Variants in TMC5 observed in about 807,000 individuals in gnomAD.
TMC5 encodes transmembrane channel-like protein 5.
A neutral mutation model predicts 110.5 loss-of-function variants in TMC5; 86 were observed. That is an observed-to-expected ratio of 0.78 (90% CI 0.65 to 0.93). The LOEUF (loss-of-function observed/expected upper bound fraction) is 0.93. TMC5 is among the 40% of genes least tolerant of loss of function. The pLI, the probability that TMC5 is intolerant of heterozygous loss-of-function variation, is 0.00. For missense variants in TMC5, 1,144 were observed against 1,222.8 expected (o/e 0.94, Z 0.96); for synonymous variants, 455 against 439.5 (o/e 1.04, Z -0.44).
At chr16:19,449,501 G>T (rs1296447188) in intron 4 of TMC5, 41 bp from the exon 5 acceptor site, 6 of 1,519,434 alleles carry the variant, frequency 3.9e-6, no homozygotes, top group South Asian at 1.1e-5. Flanking sequence ...TGTCTAGTGT[G>T]GTGAGACTAA....
chr16:19,424,397 TC>T (rs758042646), intron 1 of TMC5, among the ~76,000 whole-genome samples: 1 of 152,190 alleles, frequency 6.6e-6, no homozygotes, highest in Non-Finnish European at 1.5e-5. Flanking sequence ...ATGCCTGTAA[TC>T]CCAGCCCTTT....
intron 4 of TMC5, 86 bp downstream of exon 4, chr16:19,444,336 A>C: frequency 8.3e-7 from 1 of 1,210,506 alleles, no homozygotes; most frequent in East Asian, 2.4e-5. Flanking sequence ...GAGACTTGGC[A>C]ATAGGAGAAT....
At chr16:19,474,376 CAG>C in intron 12 of TMC5, 100 bp downstream of exon 12, 4 of 1,366,072 alleles carry the variant, frequency 2.9e-6, no homozygotes, top group Non-Finnish European at 4.0e-6. Context: ...GTTTTTTCTC[CAG>C]AGAGGAAGAA....
chr16:19,438,791 C>T (rs1967415063), intron 2 of TMC5, among the ~76,000 whole-genome samples: 1 of 152,084 alleles, frequency 6.6e-6, no homozygotes, highest in South Asian at 2.1e-4. Context: ...ACTGCATCAC[C>T]TCTTATTTCA....
intron 12 of TMC5, 97 bp downstream of exon 12, chr16:19,474,373 C>A: frequency 7.2e-7 from 1 of 1,383,212 alleles, no homozygotes; most frequent in Admixed American, 2.1e-5. Flanking sequence ...AAAGTTTTTT[C>A]TCCAGAGAGG....
chr16:19,440,570 A>G lies in TMC5; in HGVS notation c.532A>G (p.Asn178Asp). 1 of 1,614,182 alleles carries G rather than the reference A, an allele frequency of 6.2e-7. No individual in the cohort carries two copies. Among genetic ancestry groups the G allele is most frequent in the Non-Finnish European group, 8.5e-7 (1 of 1,180,022 alleles). The stretch of plus-strand genomic sequence containing the variant: ...CTCTGATCATCCTGGACCCAGAGCC[A>G]ATTTGAACCATCCAGGATCCAGAAA... ...SNSDHPGPRA[N>D]LNHPGSRKNL... Residue 178 changes from asparagine (N) to aspartate (D), a missense_variant, in exon 3 of 22, where the codon AAT becomes GAT. Transcript: ENST00000542583.
At chr16:19,456,820 C>T in intron 5 of TMC5, 3 of 1,614,174 alleles carry the variant, frequency 1.9e-6, no homozygotes, top group East Asian at 2.2e-5. Flanking sequence ...TGCTGCTAGA[C>T]TCAAGCATCA....
chr16:19,440,249 GA>G lies in TMC5; in HGVS notation c.213del (p.Glu71AspfsTer8). The G allele has an allele frequency of 6.2e-7, 1 of 1,614,136 alleles. No homozygotes were observed. The highest frequency in any genetic ancestry group is 8.5e-7 in the Non-Finnish European group (1 of 1,180,022). On this transcript the variant is annotated frameshift_variant, in exon 3 of 22. Coordinates refer to ENST00000542583, the MANE Select transcript of TMC5 (RefSeq NM_001261841.2). LOFTEE classifies it high-confidence loss of function. ...TCCAGACTATCCTGGGTCTCTGGCA[GA>G]ACCAAATTATCCTAGATCTCTGAGT... is the stretch of plus-strand genomic sequence containing the variant. ...TRPDYPGSLA[E>X]PNYPRSLSNP...
intron 3 of TMC5, among the ~76,000 whole-genome samples, chr16:19,441,838 T>C (rs934746596): frequency 2.6e-5 from 4 of 151,594 alleles, no homozygotes; most frequent in African/African-American, 9.7e-5. Flanking sequence ...AGTTTCGCTC[T>C]TGTTGCCCAG....
At chr16:19,496,157 C>A (rs199521287) in intron 20 of TMC5, among the ~76,000 whole-genome samples, 189 of 136,096 alleles carry the variant, frequency 1.4e-3, no homozygotes, top group Middle Eastern at 3.7e-3. Context: ...GACTCCGTGT[C>A]AAAAAAAAAA....
chr16:19,463,477 G>A lies in TMC5; in HGVS notation c.1236+110G>A, dbSNP rs924102203. 3.0e-6 allele frequency: 3 copies of A among 984,966 alleles called. No individual in the cohort carries two copies. In the African/African-American group the frequency reaches 4.8e-5, roughly 16 times the overall value. 61.0% of individuals were successfully genotyped at this position (984,966 alleles called of 1,614,324 possible). A position where few individuals can be genotyped will look rare whatever the true frequency, so the allele number is the denominator to read the frequency against. On this transcript the variant is annotated intron_variant, in intron 7 of 21. Coordinates refer to ENST00000542583, the MANE Select transcript of TMC5 (RefSeq NM_001261841.2). ...AACCAAAAATCAGAGCAATTTCATT[G>A]CCCAGAGCCAACGGTTAGTACAGGT...
At position 19,498,081 on chromosome 16, in the gene TMC5, A is replaced by G; in HGVS notation, c.*115A>G. The G allele has an allele frequency of 2.8e-6, 3 of 1,064,276 alleles. No individual in the cohort carries two copies. The South Asian group carries it at 4.0e-5, about 14-fold the overall frequency. 65.9% of individuals were successfully genotyped at this position (1,064,276 alleles called of 1,614,324 possible). On this transcript the variant is annotated 3_prime_UTR_variant, in exon 22 of 22. Transcript: ENST00000542583. The stretch of plus-strand genomic sequence containing the variant: ...TGCCCAGAAGAAAATCCAAGGCTTT[A>G]GCCAGGAGCGGAAACTGACTACCAT...
intron 2 of TMC5, among the ~76,000 whole-genome samples, chr16:19,432,933 A>C (rs76240257): frequency 0.049 from 7,399 of 152,166 alleles, 378 homozygotes; most frequent in African/African-American, 0.12. Flanking sequence ...ATATGTGTAG[A>C]TCTATTATAT....
chr16:19,449,398 T>C, intron 4 of TMC5, 144 bp from the exon 5 acceptor site: 1 of 671,076 alleles, frequency 1.5e-6, no homozygotes, highest in East Asian at 2.6e-5. Context: ...AAGTTCTTAA[T>C]CAGTAGTCTG....
intron 5 of TMC5, chr16:19,456,707 A>T (rs761045325): frequency 6.2e-7 from 1 of 1,604,512 alleles, no homozygotes; most frequent in Non-Finnish European, 8.5e-7. Flanking sequence ...GAGGCAGGAG[A>T]TGCTGTCCGA....
At chr16:19,450,402 G>A (rs1358497288) in intron 5 of TMC5, among the ~76,000 whole-genome samples, 1 of 152,216 alleles carries the variant, frequency 6.6e-6, no homozygotes, top group Non-Finnish European at 1.5e-5. Context: ...AATGAGTACA[G>A]AAATCAGGAC....
At chr16:19,435,666 A>G (rs1967329088) in intron 2 of TMC5, among the ~76,000 whole-genome samples, 1 of 152,106 alleles carries the variant, frequency 6.6e-6, no homozygotes, top group Non-Finnish European at 1.5e-5. Flanking sequence ...CCCTCCTGCA[A>G]TTCCTAGTCA....
chr16:19,426,614 T>C (rs549592473), intron 1 of TMC5, among the ~76,000 whole-genome samples: 10 of 152,262 alleles, frequency 6.6e-5, no homozygotes, highest in Middle Eastern at 3.4e-3. Context: ...GCGTCCTCCT[T>C]CTTCTGGGTT....
intron 17 of TMC5, among the ~76,000 whole-genome samples, chr16:19,489,243 C>T (rs1968825151): frequency 6.6e-6 from 1 of 152,238 alleles, no homozygotes; most frequent in Admixed American, 6.5e-5. Context: ...GCAATCACAG[C>T]TCAAACTCCT....
Sources: allele counts gnomAD v4.1 joint callset (sites outside exome capture counted in the v4.1 genomes callset), GRCh38; gene constraint gnomAD v4.1.1; transcripts MANE v1.5; gene names NCBI Gene and HGNC (gene_info 2026-07-23, HGNC 2026-07-21).